Variants in TBCE observed in about 807,000 individuals in gnomAD.
TBCE encodes tubulin-specific chaperone E.
Under a neutral mutation model 77.0 loss-of-function variants are expected in TBCE, and 53 were observed. The ratio of observed to expected loss-of-function variants is 0.69; its 90% CI spans 0.55 to 0.87. TBCE has a LOEUF of 0.87. Among genes scored for constraint, TBCE ranks in the 40% least tolerant of loss-of-function variants. The probability of loss-of-function intolerance (pLI) is 0.00; values close to 1 mark genes in which losing one functional copy is unlikely to be tolerated. For missense variants in TBCE, 624 were observed against 622.4 expected, an observed-to-expected ratio of 1.00 and a Z score of -0.03; for synonymous variants, 235 against 241.3, an observed-to-expected ratio of 0.97 and a Z score of 0.24.
intron 2 of TBCE, among the ~76,000 whole-genome samples, chr1:235,380,542 C>T (rs1053953873): frequency 1.3e-4 from 20 of 151,964 alleles, no homozygotes; most frequent in Non-Finnish European, 1.2e-4. Flanking sequence ...TAAACTGATA[C>T]ACATTACAAT....
chr1:235,369,432 G>A (rs1388688573), intron 1 of TBCE, among the ~76,000 whole-genome samples: 3 of 151,974 alleles, frequency 2.0e-5, no homozygotes, highest in Admixed American at 6.6e-5. Flanking sequence ...GCTTGAACCC[G>A]GGAGACAGAG....
At chr1:235,416,658 T>G (rs566281362) in intron 4 of TBCE, among the ~76,000 whole-genome samples, 2 of 152,370 alleles carry the variant, frequency 1.3e-5, no homozygotes, top group Non-Finnish European at 2.9e-5. Context: ...GTCCCCTAGT[T>G]TATGAACAGC....
chr1:235,380,161 TTGTGTGTGTGTGTGTGTGTGTG>T lies in TBCE; in HGVS notation c.100+44_100+65del, dbSNP rs10524346. 102,043 of 1,137,448 alleles carry T rather than the reference TTGTGTGTGTGTGTGTGTGTGTG, an allele frequency of 0.09. 3,897 individuals are homozygous for T. The highest frequency in any genetic ancestry group is 0.18 in the African/African-American group (11,705 of 63,398). The allele number at this position is 1,137,448 out of a possible 1,614,324, so 70.5% of individuals were successfully genotyped here. On this transcript the variant is annotated intron_variant, in intron 2 of 16. Coordinates refer to ENST00000642610, the MANE Select transcript of TBCE (RefSeq NM_003193.5). ...CCCTCCCGTGGCAGGTAAGCAATTATTGTGTGTGTGTGTGTGTGTGTGTGTGTGTGTGTGTGTGTGTGTGTGT... is the reference window on the plus strand; with the variant it reads ...CCCTCCCGTGGCAGGTAAGCAATTATTGTGTGTGTGTGTGTGTGTGTGTGT...
At chr1:235,376,039 C>A (rs1022239122) in intron 1 of TBCE, among the ~76,000 whole-genome samples, 2 of 152,054 alleles carry the variant, frequency 1.3e-5, no homozygotes, top group African/African-American at 4.8e-5. Flanking sequence ...GAGCGAGACT[C>A]TTCTCAAAAC....
chr1:235,389,357 C>T (rs560581678), intron 2 of TBCE, among the ~76,000 whole-genome samples: 24 of 152,204 alleles, frequency 1.6e-4, no homozygotes, highest in African/African-American at 3.9e-4. Flanking sequence ...GGTTGAGTTT[C>T]GTTCTTGTTG....
At chr1:235,408,904 C>T (rs1045565008) in intron 3 of TBCE, among the ~76,000 whole-genome samples, 1 of 152,040 alleles carries the variant, frequency 6.6e-6, no homozygotes, top group Non-Finnish European at 1.5e-5. Context: ...CTGTGGAAGT[C>T]TGGGAGTCTG....
chr1:235,393,907 C>G (rs1678560457), intron 2 of TBCE, among the ~76,000 whole-genome samples: 1 of 152,056 alleles, frequency 6.6e-6, no homozygotes, highest in Admixed American at 6.6e-5. Flanking sequence ...TGTATCAAAC[C>G]AAAGTTCCTG....
Position 235,448,189 on chromosome 1 carries a change from G to T in TBCE, c.1400-160G>T, listed in dbSNP as rs1267648981. 5.0e-5 allele frequency among the ~76,000 whole-genome samples: 6 copies of T among 119,540 alleles called. No homozygotes were observed. In the East Asian group the frequency reaches 1.5e-3, roughly 29 times the overall value. 78.4% of individuals were successfully genotyped at this position (119,540 alleles called of 152,430 possible). On this transcript the variant is annotated intron_variant, in intron 15 of 16. Coordinates refer to ENST00000642610, the MANE Select transcript of TBCE (RefSeq NM_003193.5). The stretch of plus-strand genomic sequence containing the variant: ...CACTCCAGCCTGGGCGACAGAGCAA[G>T]ACTTACTTAAGTAAGTAAGTAAGTC...
rs925464345 is a variant in TBCE, at chr1:235,450,634, C to T, written c.*1872C>T. On this transcript the variant is annotated 3_prime_UTR_variant, in exon 17 of 17. Coordinates refer to ENST00000642610, the MANE Select transcript of TBCE (RefSeq NM_003193.5). ...GATTTTAGAAACCACAAGTGAGTTT[C>T]ATGTTTGCTAGTAAAGGTGTGTCTA... 2.9e-6 allele frequency: 1 copy of T among 350,094 alleles called. No homozygotes were observed. The highest frequency in any genetic ancestry group is 2.1e-5 in the African/African-American group (1 of 48,124). 21.7% of individuals were successfully genotyped at this position (350,094 alleles called of 1,614,324 possible). A position where few individuals can be genotyped will look rare whatever the true frequency, so the allele number is the denominator to read the frequency against.
chr1:235,373,853 G>T lies in TBCE; in HGVS notation c.-31-6166G>T, dbSNP rs1335294494. Among the ~76,000 whole-genome samples, 28 of 145,510 alleles carry T rather than the reference G, an allele frequency of 1.9e-4. 3 individuals are homozygous for T. Among genetic ancestry groups the T allele is most frequent in the Admixed American group, 1.1e-3 (16 of 14,688 alleles). ...TTTAGTAGAGACGGTGTTTCACCGT[G>T]TTAGCCAGGATGGTCTCGATCTCCT... On this transcript the variant is annotated intron_variant, in intron 1 of 16. Transcript: ENST00000642610.
chr1:235,401,031 A>G (rs1441357735), intron 2 of TBCE, among the ~76,000 whole-genome samples: 1 of 148,612 alleles, frequency 6.7e-6, no homozygotes, highest in Admixed American at 6.8e-5. Context: ...TTTTTATTGT[A>G]GCCACATACA....
intron 2 of TBCE, among the ~76,000 whole-genome samples, chr1:235,384,092 G>C (rs1242837454): frequency 6.8e-6 from 1 of 148,056 alleles, no homozygotes; most frequent in Non-Finnish European, 1.5e-5. Context: ...TTTTGTCTTT[G>C]GTTCTGTTTA....
intron 2 of TBCE, among the ~76,000 whole-genome samples, chr1:235,383,331 A>G (rs1677796920): frequency 6.6e-6 from 1 of 152,246 alleles, no homozygotes; most frequent in South Asian, 2.1e-4. Flanking sequence ...ACTTTAAAGT[A>G]GTTTTTTCCA....
intron 1 of TBCE, among the ~76,000 whole-genome samples, chr1:235,372,622 T>C (rs1324036785): frequency 6.6e-6 from 1 of 150,998 alleles, no homozygotes; most frequent in Non-Finnish European, 1.5e-5. Context: ...TCTCTACCAA[T>C]AGAAAAGAGA....
chr1:235,439,579 C>A (rs1295908790), intron 13 of TBCE, among the ~76,000 whole-genome samples: 3 of 149,798 alleles, frequency 2.0e-5, no homozygotes, highest in Non-Finnish European at 4.5e-5. Flanking sequence ...CCCCTGCCTC[C>A]CGGGTTCAAT....
chr1:235,387,745 C>T (rs779636044), intron 2 of TBCE, among the ~76,000 whole-genome samples: 10 of 152,246 alleles, frequency 6.6e-5, no homozygotes, highest in South Asian at 4.1e-4. Context: ...TGACCCCTTG[C>T]GCTTCCCAAA....
At chr1:235,368,552 CTTTTTTTTT>C (rs757168655) in intron 1 of TBCE, among the ~76,000 whole-genome samples, 9 of 49,772 alleles carry the variant, frequency 1.8e-4, no homozygotes, top group Admixed American at 3.4e-4. Flanking sequence ...GGACAGCCTG[CTTTTTTTTT>C]TTTTTTTTTT....
chr1:235,374,175 C>T (rs1213344048), intron 1 of TBCE, among the ~76,000 whole-genome samples: 4 of 144,188 alleles, frequency 2.8e-5, no homozygotes, highest in South Asian at 2.2e-4. Flanking sequence ...AGGCTGGCCT[C>T]GAACTCCTGA....
Position 235,414,498 on chromosome 1 carries a change from C to T in TBCE, c.251C>T (p.Ala84Val), listed in dbSNP as rs752392215. The T allele has an allele frequency of 4.3e-6, 7 of 1,613,476 alleles. No individual in the cohort carries two copies. In the Admixed American group the frequency reaches 1.2e-4, roughly 27 times the overall value. ...AATTTTGGAACAGACTTTCTTACTG[C>T]AATTAAGAACCGCTATGTGTTAGAA... ...KVNFGTDFLT[A>V]IKNRYVLEDG... The change falls in exon 4 of 17, where the codon GCA becomes GTA. Residue 84 changes from alanine (A) to valine (V), a missense_variant. Transcript: ENST00000642610.
Sources: gnomAD v4.1 joint callset for allele counts (sites outside exome capture counted in the v4.1 genomes callset) on GRCh38, gnomAD v4.1.1 for gene constraint, MANE v1.5 for transcripts, NCBI Gene and HGNC (gene_info 2026-07-23, HGNC 2026-07-21) for gene names.